The following TEX9 variants were observed in gnomAD, a reference collection of about 807,000 sequenced individuals.
The protein encoded by TEX9 is testis expressed 9, also known as testis-expressed protein 9.
TEX9 carries 74 observed loss-of-function variants against 59.6 expected under a neutral mutation model. The ratio of observed to expected loss-of-function variants is 1.24; its 90% CI spans 1.03 to 1.51. The LOEUF is 1.51. Ranked by LOEUF, TEX9 falls within the 40% of genes most tolerant of loss-of-function variation. TEX9 has a pLI of 0.00. For missense variants in TEX9, 522 were observed against 447.8 expected (o/e 1.17, Z -1.49); for synonymous variants, 186 against 152.2 (o/e 1.22, Z -1.64).
intron 1 of TEX9, among the ~76,000 whole-genome samples, chr15:56,270,983 G>A (rs2953185): frequency 1 from 152,236 of 152,336 alleles, 76,068 homozygotes; most frequent in Non-Finnish European, 1. Flanking sequence ...TCTGGCTTGT[G>A]GAGTTTCTGC....
At chr15:56,445,280 T>C (rs1201353858) in intron 12 of TEX9, among the ~76,000 whole-genome samples, 2 of 152,066 alleles carry the variant, frequency 1.3e-5, no homozygotes, top group Admixed American at 6.6e-5. Context: ...ACCATTCCCA[T>C]TGTCAAGAGA....
intron 10 of TEX9, among the ~76,000 whole-genome samples, chr15:56,423,316 G>A (rs1195420700): frequency 1.1e-4 from 16 of 152,066 alleles, no homozygotes; most frequent in African/African-American, 3.1e-4. Context: ...AATTTGCTTT[G>A]TGATTTCTTC....
At chr15:56,280,359 G>A (rs1174234093) in intron 1 of TEX9, among the ~76,000 whole-genome samples, 1 of 152,170 alleles carries the variant, frequency 6.6e-6, no homozygotes, top group Non-Finnish European at 1.5e-5. Context: ...TGATTTTAGT[G>A]TTAAACCTTC....
intron 1 of TEX9, among the ~76,000 whole-genome samples, chr15:56,359,386 C>T (rs1307738084): frequency 2.0e-5 from 3 of 152,050 alleles, no homozygotes; most frequent in Non-Finnish European, 4.4e-5. Flanking sequence ...CTCCCTAGTC[C>T]CTGGTAAACT....
At position 56,303,645 on chromosome 15, in the gene TEX9, C is replaced by T. The variant is rs192171506; in HGVS notation, c.-107+59367C>T. Among the ~76,000 whole-genome samples, 922 of 151,166 alleles carry T rather than the reference C, an allele frequency of 6.1e-3. 2 individuals are homozygous for T. The highest frequency in any genetic ancestry group is 8.2e-3 in the African/African-American group (337 of 41,180). ...TCATAAAGAACTAGAAAAGCAAAAGCGAACAAAACACAATATGAGTAGCAG... is the reference window on the plus strand; with the variant it reads ...TCATAAAGAACTAGAAAAGCAAAAGTGAACAAAACACAATATGAGTAGCAG... On this transcript the variant is annotated intron_variant, in intron 1 of 5. Coordinates refer to the TEX9 transcript ENST00000560827.
intron 1 of TEX9, among the ~76,000 whole-genome samples, chr15:56,255,815 T>C (rs1349405210): frequency 6.6e-6 from 1 of 152,030 alleles, no homozygotes; most frequent in Non-Finnish European, 1.5e-5. Context: ...CTCAAATTGA[T>C]AGATCAAGTA....
At chr15:56,428,446 T>G in exon 12 of TEX9, 7 of 1,606,072 alleles carry the variant, frequency 4.4e-6, no homozygotes, top group Non-Finnish European at 6.0e-6. Context: ...AATTCATAAG[T>G]GATCTACTTC....
chr15:56,272,279 T>A (rs1466633965), intron 1 of TEX9, among the ~76,000 whole-genome samples: 1 of 152,174 alleles, frequency 6.6e-6, no homozygotes, highest in East Asian at 1.9e-4. Flanking sequence ...ATTCCAATTC[T>A]CCCCTTGCTC....
intron 1 of TEX9, among the ~76,000 whole-genome samples, chr15:56,297,988 T>C (rs574422515): frequency 6.6e-6 from 1 of 152,348 alleles, no homozygotes; most frequent in Admixed American, 6.5e-5. Context: ...ATACTGAATG[T>C]GTGCTTATCT....
chr15:56,253,321 A>C (rs750187301), intron 1 of TEX9, among the ~76,000 whole-genome samples: 4 of 152,140 alleles, frequency 2.6e-5, no homozygotes, highest in Non-Finnish European at 5.9e-5. Flanking sequence ...AAACAAGGAG[A>C]GGTTCAACAC....
At chr15:56,245,747 C>G (rs562533688) in intron 1 of TEX9, among the ~76,000 whole-genome samples, 12 of 152,264 alleles carry the variant, frequency 7.9e-5, no homozygotes, top group African/African-American at 2.9e-4. Flanking sequence ...AATTAACATT[C>G]TTAAAATTAC....
intron 1 of TEX9, among the ~76,000 whole-genome samples, chr15:56,345,311 G>T (rs1236131855): frequency 6.6e-6 from 1 of 151,976 alleles, no homozygotes; most frequent in African/African-American, 2.4e-5. Flanking sequence ...TGACATATTT[G>T]TGTGTTGGGG....
chr15:56,425,404 A>G (rs997555224), intron 10 of TEX9, among the ~76,000 whole-genome samples: 1 of 152,028 alleles, frequency 6.6e-6, no homozygotes, highest in Non-Finnish European at 1.5e-5. Context: ...ACTTTTCTTC[A>G]TTCTTTTACT....
intron 1 of TEX9, among the ~76,000 whole-genome samples, chr15:56,317,078 A>C (rs1166381007): frequency 6.6e-6 from 1 of 152,034 alleles, no homozygotes; most frequent in Non-Finnish European, 1.5e-5. Context: ...TGAACCCGGT[A>C]CCTCAGATGG....
chr15:56,248,638 C>G (rs1157781029), intron 1 of TEX9: 1 of 152,152 alleles, frequency 6.6e-6, no homozygotes, highest in East Asian at 1.9e-4. Context: ...AATTCTTTTA[C>G]ATTAAAGAAG....
intron 1 of TEX9, among the ~76,000 whole-genome samples, chr15:56,321,221 T>A (rs533806259): frequency 1.8e-4 from 27 of 152,272 alleles, no homozygotes; most frequent in African/African-American, 6.0e-4. Context: ...GCTGGAAGTT[T>A]GACTTTGACA....
intron 9 of TEX9, among the ~76,000 whole-genome samples, chr15:56,406,333 A>G (rs1226287788): frequency 3.9e-5 from 6 of 152,102 alleles, no homozygotes; most frequent in Non-Finnish European, 5.9e-5. Context: ...TGGATATGCC[A>G]TATTTTGTTT....
At chr15:56,430,723 G>C (rs546088663) in intron 12 of TEX9, among the ~76,000 whole-genome samples, 2 of 144,522 alleles carry the variant, frequency 1.4e-5, no homozygotes, top group Non-Finnish European at 3.0e-5. Context: ...ACAGTTCTAG[G>C]GTAGTCTCAA....
intron 10 of TEX9, among the ~76,000 whole-genome samples, chr15:56,417,236 C>G (rs1253254240): frequency 6.6e-6 from 1 of 151,750 alleles, no homozygotes; most frequent in East Asian, 1.9e-4. Flanking sequence ...TCATCTTCTG[C>G]TAGCTTTGGG....
Sources: gnomAD v4.1 joint callset for allele counts (sites outside exome capture counted in the v4.1 genomes callset) on GRCh38, gnomAD v4.1.1 for gene constraint, MANE v1.5 for transcripts, NCBI Gene and HGNC (gene_info 2026-07-23, HGNC 2026-07-21) for gene names.